Variants in ZNF512 observed in about 807,000 individuals in gnomAD.
The protein encoded by ZNF512 is zinc finger protein 512.
A neutral mutation model predicts 77.5 loss-of-function variants in ZNF512; 25 were observed. That is an observed-to-expected ratio of 0.32 (90% CI 0.23 to 0.45). The LOEUF is 0.45. Among genes scored for constraint, ZNF512 ranks in the 20% least tolerant of loss-of-function variants. The pLI is 1.00. For synonymous variants in ZNF512, 246 were observed against 239.9 expected (o/e 1.03, Z -0.24); for missense variants, 483 against 692.6 (o/e 0.70, Z 3.40).
chr2:27,619,286 C>T (rs1673023579), intron 13 of ZNF512, among the ~76,000 whole-genome samples: 1 of 152,008 alleles, frequency 6.6e-6, no homozygotes, highest in South Asian at 2.1e-4. Context: ...ACCTGTAATC[C>T]CAGCTACTTG....
intron 10 of ZNF512, among the ~76,000 whole-genome samples, chr2:27,614,338 A>G (rs1269985356): frequency 6.6e-6 from 1 of 152,204 alleles, no homozygotes; most frequent in African/African-American, 2.4e-5. Flanking sequence ...AAAGCCTGTA[A>G]AAAGAAGTGC....
intron 2 of ZNF512, among the ~76,000 whole-genome samples, chr2:27,584,044 A>G (rs1411908659): frequency 1.3e-5 from 2 of 152,220 alleles, no homozygotes; most frequent in Admixed American, 1.3e-4. Flanking sequence ...GAGCGCTTGA[A>G]ATGTGGCTAG....
intron 2 of ZNF512, among the ~76,000 whole-genome samples, chr2:27,586,079 G>A (rs1211915994): frequency 6.6e-6 from 1 of 152,156 alleles, no homozygotes; most frequent in Non-Finnish European, 1.5e-5. Context: ...GTATGCTTAT[G>A]CTTATTCATA....
intron 2 of ZNF512, among the ~76,000 whole-genome samples, chr2:27,592,767 C>T (rs1194425943): frequency 7.1e-6 from 1 of 140,566 alleles, no homozygotes; most frequent in Non-Finnish European, 1.5e-5. Flanking sequence ...CTCACCACAA[C>T]CTCTGCCTCC....
intron 3 of ZNF512, 35 bp downstream of exon 3, chr2:27,598,289 C>G: frequency 6.3e-7 from 1 of 1,576,186 alleles, no homozygotes; most frequent in Non-Finnish European, 8.7e-7. Flanking sequence ...GAAGACGGGC[C>G]ACTTCCTAAA....
At chr2:27,586,649 T>C (rs1327887393) in intron 2 of ZNF512, among the ~76,000 whole-genome samples, 2 of 152,210 alleles carry the variant, frequency 1.3e-5, no homozygotes, top group African/African-American at 4.8e-5. Context: ...ACTGCACATA[T>C]TTAAAGCGTA....
Position 27,598,199 on chromosome 2 carries a change from T to C in ZNF512, c.222T>C (p.Ser74=). Reference sequence around the variant, plus strand: ...ATTTTCCAGCATCTTTCCGAAAATCTACCTACTGGATGAAGATGAGAAGAA... The same window carrying C: ...ATTTTCCAGCATCTTTCCGAAAATCCACCTACTGGATGAAGATGAGAAGAA... ...VSDFPASFRK[S]TYWMKMRRIK... The change falls in exon 3 of 14, where the codon TCT becomes TCC. Residue 74 remains serine (S), a synonymous_variant. Coordinates refer to ENST00000355467, the MANE Select transcript of ZNF512 (RefSeq NM_032434.4). The C allele has an allele frequency of 6.2e-7, 1 of 1,614,164 alleles. No individual in the cohort carries two copies. Among genetic ancestry groups the C allele is most frequent in the Non-Finnish European group, 8.5e-7 (1 of 1,180,018 alleles).
In ZNF512 at chr2:27,608,034, C is replaced by A. The variant is rs765905224; in HGVS notation, c.1126C>A (p.Arg376=). The change falls in exon 10 of 14, where the codon CGA becomes AGA. Residue 376 remains arginine (R), a synonymous_variant. Transcript: ENST00000355467. ...GCTTCAGGACCTGGTACCTGATGAT[C>A]GAAAGGTAAGGCAGAAACATGTATC... is the stretch of plus-strand genomic sequence containing the variant. ...KVLQDLVPDD[R]KLKYTRPGLP... The A allele has an allele frequency of 1.3e-6, 2 of 1,565,794 alleles. No homozygotes were observed. Among genetic ancestry groups the A allele is most frequent in the Non-Finnish European group, 1.7e-6 (2 of 1,159,512 alleles).
At chr2:27,608,301 T>C (rs1381998016) in intron 10 of ZNF512, among the ~76,000 whole-genome samples, 1 of 152,218 alleles carries the variant, frequency 6.6e-6, no homozygotes, top group Non-Finnish European at 1.5e-5. Context: ...AGATTAGATA[T>C]TTGTGTAATG....
At position 27,583,079 on chromosome 2, in the gene ZNF512, C is replaced by A; in HGVS notation, c.-34C>A. 3.1e-6 allele frequency: 5 copies of A among 1,613,878 alleles called. No individual in the cohort carries two copies. Among genetic ancestry groups the A allele is most frequent in the Non-Finnish European group, 4.2e-6 (5 of 1,179,930 alleles). ...AAGTGGCGTTGGTCTGGCCGGAGCCCTTGGGTGAAATTGTTAGGCGTGGAG... is the reference window on the plus strand; with the variant it reads ...AAGTGGCGTTGGTCTGGCCGGAGCCATTGGGTGAAATTGTTAGGCGTGGAG... On this transcript the variant is annotated 5_prime_UTR_variant, in exon 1 of 14. Coordinates refer to ENST00000355467, the MANE Select transcript of ZNF512 (RefSeq NM_032434.4).
chr2:27,617,572 G>T lies in ZNF512; in HGVS notation c.1395+1G>T. Reference sequence around the variant, plus strand: ...TCACATCAACTCCGTCCATGCTGAGGTGAGGTTTTTGTAATCCTGTGGGCC... The same window carrying T: ...TCACATCAACTCCGTCCATGCTGAGTTGAGGTTTTTGTAATCCTGTGGGCC... On this transcript the variant is annotated splice_donor_variant, in intron 13 of 13. Coordinates refer to ENST00000355467, the MANE Select transcript of ZNF512 (RefSeq NM_032434.4). LOFTEE classifies it high-confidence loss of function. 1 of 1,169,836 alleles carries T rather than the reference G, an allele frequency of 8.5e-7. No individual in the cohort carries two copies. Among genetic ancestry groups the T allele is most frequent in the Non-Finnish European group, 1.3e-6 (1 of 774,058 alleles). 72.5% of individuals were successfully genotyped at this position (1,169,836 alleles called of 1,614,324 possible).
intron 2 of ZNF512, among the ~76,000 whole-genome samples, chr2:27,588,628 A>G (rs1300942219): frequency 6.6e-6 from 1 of 152,054 alleles, no homozygotes; most frequent in African/African-American, 2.4e-5. Flanking sequence ...ACTGATGTTT[A>G]TTTAGACTCT....
intron 9 of ZNF512, among the ~76,000 whole-genome samples, chr2:27,603,903 T>TTTAA (rs1006324941): frequency 4.7e-5 from 7 of 149,904 alleles, no homozygotes; most frequent in South Asian, 2.1e-4. Flanking sequence ...CAGCCCATTA[T>TTTAA]TTAATTAATT....
chr2:27,615,100 T>TA, intron 10 of ZNF512, 68 bp from the exon 11 acceptor site: 1 of 918,292 alleles, frequency 1.1e-6, no homozygotes, highest in South Asian at 1.5e-5. Flanking sequence ...GAGTTGGGTG[T>TA]GAAACTTTTG....
At chr2:27,598,348 G>A (rs374488051) in intron 3 of ZNF512, 94 bp downstream of exon 3, 33 of 1,341,828 alleles carry the variant, frequency 2.5e-5, no homozygotes, top group East Asian at 4.9e-5. Context: ...ATTAAATGGC[G>A]GCTGAGCGTG....
intron 10 of ZNF512, among the ~76,000 whole-genome samples, chr2:27,610,045 A>C (rs1245412809): frequency 6.6e-6 from 1 of 151,482 alleles, no homozygotes; most frequent in Non-Finnish European, 1.5e-5. Flanking sequence ...CATCTCAAAA[A>C]AATAATAATA....
intron 1 of ZNF512, chr2:27,583,435 C>T (rs1671200120): frequency 6.9e-7 from 1 of 1,445,512 alleles, no homozygotes; most frequent in Non-Finnish European, 9.0e-7. Flanking sequence ...GAGCCTGGGA[C>T]AGGGCTTTGA....
At chr2:27,608,812 G>A (rs143219040) in intron 10 of ZNF512, among the ~76,000 whole-genome samples, 25 of 152,038 alleles carry the variant, frequency 1.6e-4, no homozygotes, top group African/African-American at 6.0e-4. Flanking sequence ...GGAATGTTAT[G>A]TCTTATAAGA....
rs374675249 is a variant in ZNF512 at position 27,615,161 on chromosome 2, C to T, written c.1132-7C>T. 1.9e-6 allele frequency: 3 copies of T among 1,547,648 alleles called. No individual in the cohort carries two copies. The highest frequency in any genetic ancestry group is 2.3e-5 in the East Asian group (1 of 43,808). ...TATCTAATGTTTCTGGTTGTCTTGT[C>T]TTGTAGTTAAAATATACTCGTCCAG... On this transcript the variant is annotated splice_region_variant and splice_polypyrimidine_tract_variant and intron_variant, in intron 10 of 13. Transcript: ENST00000355467.
Sources: allele counts gnomAD v4.1 joint callset (sites outside exome capture counted in the v4.1 genomes callset), GRCh38; gene constraint gnomAD v4.1.1; transcripts MANE v1.5; gene names NCBI Gene and HGNC (gene_info 2026-07-23, HGNC 2026-07-21).